The following ADGB variants were observed in gnomAD, a reference collection of about 807,000 sequenced individuals.
The protein encoded by ADGB is calpain-7-like protein.
In ADGB, 172 loss-of-function variants were observed where a neutral mutation model predicts 210.5. The ratio of observed to expected loss-of-function variants is 0.82; its 90% CI spans 0.72 to 0.93. The LOEUF (loss-of-function observed/expected upper bound fraction) is 0.93, where lower values mean the gene tolerates loss of function less well. Ranked by LOEUF, ADGB falls within the 40% of genes least tolerant of loss-of-function variation. The probability of loss-of-function intolerance (pLI) is 0.00; values close to 1 mark genes in which losing one functional copy is unlikely to be tolerated. For synonymous variants in ADGB, 658 were observed against 662.7 expected (o/e 0.99, Z 0.11); for missense variants, 2,025 against 1,964.8 (o/e 1.03, Z -0.58).
intron 33 of ADGB, among the ~76,000 whole-genome samples, chr6:146,792,911 A>C (rs1777973918): frequency 6.6e-6 from 1 of 152,146 alleles, no homozygotes; most frequent in South Asian, 2.1e-4. Flanking sequence ...GCTGACTTCA[A>C]GAATGAAGCC....
At chr6:146,693,099 C>T (rs1267754624) in intron 12 of ADGB, among the ~76,000 whole-genome samples, 184 bp downstream of exon 12, 1 of 152,092 alleles carries the variant, frequency 6.6e-6, no homozygotes, top group African/African-American at 2.4e-5. Flanking sequence ...TTACATTAAT[C>T]CACTTAATTA....
intron 1 of ADGB, among the ~76,000 whole-genome samples, chr6:146,607,651 T>C (rs1780650811): frequency 6.6e-6 from 1 of 152,218 alleles, no homozygotes; most frequent in African/African-American, 2.4e-5. Context: ...GAGATGATCA[T>C]GTGGTTTTTG....
intron 26 of ADGB, among the ~76,000 whole-genome samples, chr6:146,746,488 C>A (rs1166462287): frequency 1.3e-5 from 2 of 152,124 alleles, no homozygotes; most frequent in African/African-American, 2.4e-5. Context: ...CCTTAAATAG[C>A]CTAATCATAG....
At chr6:146,675,110 A>C (rs1776068271) in intron 8 of ADGB, among the ~76,000 whole-genome samples, 1 of 152,138 alleles carries the variant, frequency 6.6e-6, no homozygotes, top group Non-Finnish European at 1.5e-5. Flanking sequence ...GATTGAAGTT[A>C]TAGTTATCTT....
At chr6:146,622,377 G>A (rs943561864) in intron 1 of ADGB, among the ~76,000 whole-genome samples, 12 of 152,062 alleles carry the variant, frequency 7.9e-5, no homozygotes, top group African/African-American at 2.9e-4. Flanking sequence ...CCACTTTCAA[G>A]CTCATTTACG....
intron 3 of ADGB, among the ~76,000 whole-genome samples, chr6:146,649,379 G>C (rs866818235): frequency 5.9e-5 from 9 of 151,938 alleles, no homozygotes; most frequent in Middle Eastern, 3.4e-3. Context: ...CACAATATTT[G>C]TGCCAAACTC....
chr6:146,745,816 C>T, intron 25 of ADGB, 106 bp from the exon 26 acceptor site: 3 of 800,182 alleles, frequency 3.7e-6, no homozygotes, highest in South Asian at 5.8e-5. Flanking sequence ...ATCTTGGGAC[C>T]TGTAGGTATA....
chr6:146,635,898 A>C (rs1329660033), intron 2 of ADGB, among the ~76,000 whole-genome samples: 1 of 152,082 alleles, frequency 6.6e-6, no homozygotes, highest in African/African-American at 2.4e-5. Flanking sequence ...TGGACTTGGA[A>C]GCTGTGACCG....
intron 33 of ADGB, among the ~76,000 whole-genome samples, chr6:146,791,640 A>G (rs1418246275): frequency 1.3e-5 from 2 of 152,206 alleles, no homozygotes; most frequent in Non-Finnish European, 1.5e-5. Context: ...ACCCTGGCCT[A>G]AGCTGATTCT....
chr6:146,620,666 G>A lies in ADGB; in HGVS notation c.75-14709G>A, dbSNP rs375074123. On this transcript the variant is annotated intron_variant, in intron 1 of 35. Coordinates refer to ENST00000397944, the MANE Select transcript of ADGB (RefSeq NM_024694.4). ...GAAAAATTGTTTCTATTTCTTTGTCGTATTTCTCATTTTGTTTTTAGATTG... is the reference window on the plus strand; with the variant it reads ...GAAAAATTGTTTCTATTTCTTTGTCATATTTCTCATTTTGTTTTTAGATTG... 2.5e-4 allele frequency among the ~76,000 whole-genome samples: 38 copies of A among 151,490 alleles called. No homozygotes were observed. In the East Asian group the frequency reaches 5.3e-3, roughly 21 times the overall value.
intron 27 of ADGB, among the ~76,000 whole-genome samples, chr6:146,757,402 A>C (rs1777423408): frequency 6.6e-6 from 1 of 151,860 alleles, no homozygotes; most frequent in Non-Finnish European, 1.5e-5. Flanking sequence ...GCTTATATAG[A>C]TTGAATTTAT....
chr6:146,805,488 TA>T (rs1485904138), intron 35 of ADGB, among the ~76,000 whole-genome samples: 1 of 152,236 alleles, frequency 6.6e-6, no homozygotes, highest in African/African-American at 2.4e-5. Flanking sequence ...AATGCATATT[TA>T]AAATGAAGGT....
chr6:146,719,178 G>A (rs1776778851), intron 16 of ADGB, among the ~76,000 whole-genome samples: 1 of 125,860 alleles, frequency 7.9e-6, no homozygotes. Context: ...GATCAAATGT[G>A]AAATAACATA....
intron 2 of ADGB, among the ~76,000 whole-genome samples, chr6:146,642,192 T>C (rs1775526915): frequency 6.6e-6 from 1 of 151,406 alleles, no homozygotes; most frequent in Non-Finnish European, 1.5e-5. Flanking sequence ...AAATACCATT[T>C]CACACCTATC....
At chr6:146,781,457 T>C (rs1489532096) in intron 29 of ADGB, among the ~76,000 whole-genome samples, 2 of 147,908 alleles carry the variant, frequency 1.4e-5, no homozygotes, top group Non-Finnish European at 3.0e-5. Flanking sequence ...AATTAAGAAA[T>C]TCTTAGAAAT....
chr6:146,764,018 T>C lies in ADGB; in HGVS notation c.3668T>C (p.Ile1223Thr), dbSNP rs775660722. 1 of 1,551,464 alleles carries C rather than the reference T, an allele frequency of 6.4e-7. No individual in the cohort carries two copies. Among genetic ancestry groups the C allele is most frequent in the Non-Finnish European group, 8.7e-7 (1 of 1,146,844 alleles). The change falls in exon 28 of 36, where the codon ATA becomes ACA. Residue 1223 changes from isoleucine to threonine, a missense_variant. Coordinates refer to ENST00000397944, the MANE Select transcript of ADGB (RefSeq NM_024694.4). ...KSPKGRAVSA[I>T]QDIGLPLVEE... ...CCCAAGGGTAGAGCTGTAAGTGCAA[T>C]ACAAGACATTGGTCTACCCCTTGTG...
At chr6:146,727,351 G>A (rs566901577) in intron 19 of ADGB, among the ~76,000 whole-genome samples, 2 of 152,070 alleles carry the variant, frequency 1.3e-5, no homozygotes, top group South Asian at 4.1e-4. Context: ...TGTTTGCTGT[G>A]CCATCTCTCA....
chr6:146,752,976 A>T (rs2114612883), intron 27 of ADGB, among the ~76,000 whole-genome samples: 1 of 152,172 alleles, frequency 6.6e-6, no homozygotes, highest in East Asian at 1.9e-4. Flanking sequence ...TCAAATTTTT[A>T]TTATTTTGAA....
intron 1 of ADGB, among the ~76,000 whole-genome samples, chr6:146,601,567 T>C (rs1482353428): frequency 1.3e-5 from 2 of 152,220 alleles, no homozygotes; most frequent in East Asian, 1.9e-4. Context: ...TCTAGTATGA[T>C]TGTTATTTAA....
Sources: allele counts gnomAD v4.1 joint callset (sites outside exome capture counted in the v4.1 genomes callset), GRCh38; gene constraint gnomAD v4.1.1; transcripts MANE v1.5; gene names NCBI Gene and HGNC (gene_info 2026-07-23, HGNC 2026-07-21).